Variants in PTPRE observed in about 807,000 individuals in gnomAD.
PTPRE encodes the protein protein tyrosine phosphatase receptor type E, also known as receptor-type tyrosine-protein phosphatase epsilon.
PTPRE carries 51 observed loss-of-function variants against 102.0 expected under a neutral mutation model. That is an observed-to-expected ratio of 0.50 (90% CI 0.40 to 0.63). The LOEUF is 0.63. Ranked by LOEUF, PTPRE falls within the 30% of genes least tolerant of loss-of-function variation. PTPRE has a pLI of 0.00. For missense variants in PTPRE, 752 were observed against 915.1 expected, an observed-to-expected ratio of 0.82 and a Z score of 2.30; for synonymous variants, 345 against 348.2, an observed-to-expected ratio of 0.99 and a Z score of 0.10.
At chr10:128,048,937 C>T (rs1468874075) in intron 5 of PTPRE, among the ~76,000 whole-genome samples, 1 of 152,198 alleles carries the variant, frequency 6.6e-6, no homozygotes, top group African/African-American at 2.4e-5. Flanking sequence ...TCTTGCCTCT[C>T]ACTCCGAACT....
At chr10:127,969,750 C>G (rs1850568126) in intron 1 of PTPRE, among the ~76,000 whole-genome samples, 1 of 151,854 alleles carries the variant, frequency 6.6e-6, no homozygotes, top group South Asian at 2.1e-4. Context: ...GTAAAGGAGA[C>G]GGTCAGACTG....
At chr10:127,977,805 C>T (rs1286715456) in intron 1 of PTPRE, among the ~76,000 whole-genome samples, 1 of 152,224 alleles carries the variant, frequency 6.6e-6, no homozygotes, top group Non-Finnish European at 1.5e-5. Flanking sequence ...CCCTGCCCCC[C>T]TTCCTAAGGG....
At chr10:128,067,362 GTGCACAC>G (rs1590211206) in intron 11 of PTPRE, among the ~76,000 whole-genome samples, 13 of 128,472 alleles carry the variant, frequency 1.0e-4, no homozygotes, top group East Asian at 2.7e-4. Context: ...ACACGCACAC[GTGCACAC>G]ATGCACACAT....
chr10:128,031,177 G>C (rs1846723015), intron 2 of PTPRE, among the ~76,000 whole-genome samples: 2 of 152,254 alleles, frequency 1.3e-5, no homozygotes, highest in South Asian at 4.1e-4. Context: ...TCAACTGGCA[G>C]CTGATGGATT....
chr10:128,048,463 C>T (rs1848275432), intron 5 of PTPRE, among the ~76,000 whole-genome samples: 1 of 152,206 alleles, frequency 6.6e-6, no homozygotes, highest in South Asian at 2.1e-4. Flanking sequence ...TCCTACCTAA[C>T]TGTAGTCAGT....
rs537280972 is a variant in PTPRE at position 127,962,465 on chromosome 10, G to A, written c.-30-19809G>A. Reference sequence around the variant, plus strand: ...TGCTCTGTGCACCCGCAGCTGCTCCGCTGGACACAGACCTCCCCGGGGAAG... The same window carrying A: ...TGCTCTGTGCACCCGCAGCTGCTCCACTGGACACAGACCTCCCCGGGGAAG... On this transcript the variant is annotated intron_variant, in intron 1 of 20. Coordinates refer to ENST00000254667, the MANE Select transcript of PTPRE (RefSeq NM_006504.6). Among the ~76,000 whole-genome samples the A allele has an allele frequency of 3.9e-5, 6 of 152,312 alleles. No individual in the cohort carries two copies. In the East Asian group the frequency reaches 5.8e-4, roughly 15 times the overall value.
intron 1 of PTPRE, among the ~76,000 whole-genome samples, chr10:127,972,639 T>C (rs1850842641): frequency 6.6e-6 from 1 of 152,176 alleles, no homozygotes; most frequent in African/African-American, 2.4e-5. Flanking sequence ...ATGCCGTGGA[T>C]CATCAGCAAG....
intron 2 of PTPRE, among the ~76,000 whole-genome samples, chr10:128,024,438 T>A (rs1392247885): frequency 6.6e-6 from 1 of 152,260 alleles, no homozygotes; most frequent in African/African-American, 2.4e-5. Context: ...TCTCCAGCTA[T>A]CTGTGGGTCT....
At chr10:128,019,099 A>C (rs1252934408) in intron 2 of PTPRE, among the ~76,000 whole-genome samples, 1 of 152,216 alleles carries the variant, frequency 6.6e-6, no homozygotes, top group Non-Finnish European at 1.5e-5. Context: ...GCATTGGGGC[A>C]TCCCCTGGTC....
rs374923805 is a variant in PTPRE at position 128,069,699 on chromosome 10, G to A, written c.1015G>A (p.Val339Met). 40 of 1,614,082 alleles carry A rather than the reference G, an allele frequency of 2.5e-5. No homozygotes were observed. Among genetic ancestry groups the A allele is most frequent in the Non-Finnish European group, 3.1e-5 (37 of 1,180,036 alleles). The part of the protein sequence containing the change: ...GPIVVHCSAG[V>M]GRTGTFIVID... ...CTTTCTCTTTCCCCAAAGCGCGGGC[G>A]TGGGCCGGACGGGCACCTTCATTGT... The change falls in exon 13 of 21, where the codon GTG (valine) becomes ATG (methionine). Residue 339 changes from valine (V) to methionine (M), a missense_variant. Physicochemically the swap from Val to Met is conservative, Grantham distance 21. This residue lies in a region of PTPRE where 636 missense variants were observed against 824.4 expected (regional missense o/e 0.77). Transcript: ENST00000254667.
intron 2 of PTPRE, among the ~76,000 whole-genome samples, chr10:128,018,883 C>T (rs186544366): frequency 6.6e-6 from 1 of 152,078 alleles, no homozygotes; most frequent in African/African-American, 2.4e-5. Flanking sequence ...CACACACACA[C>T]ACACACTCAC....
chr10:128,032,592 G>C (rs1260275976), intron 2 of PTPRE, among the ~76,000 whole-genome samples: 3 of 152,228 alleles, frequency 2.0e-5, no homozygotes, highest in African/African-American at 7.2e-5. Context: ...CCTTGGAGAA[G>C]AGTGGGTTAG....
intron 2 of PTPRE, 54 bp from the exon 3 acceptor site, chr10:128,040,821 G>C: frequency 7.1e-7 from 1 of 1,404,910 alleles, no homozygotes; most frequent in Non-Finnish European, 1.0e-6. Flanking sequence ...TGGCACCGGA[G>C]GGTCCCACAG....
rs12572632 is a variant in PTPRE, at chr10:128,071,154, C to T, written c.1387+253C>T. 9.7e-3 allele frequency: 4,832 copies of T among 500,408 alleles called. 352 individuals are homozygous for T. The East Asian group carries it at 0.14, about 14-fold the overall frequency. The allele number at this position is 500,408 out of a possible 1,614,324, so 31.0% of individuals were successfully genotyped here. A position where few individuals can be genotyped will look rare whatever the true frequency, so the allele number is the denominator to read the frequency against. On this transcript the variant is annotated intron_variant, in intron 15 of 20. Coordinates refer to ENST00000254667, the MANE Select transcript of PTPRE (RefSeq NM_006504.6). The stretch of plus-strand genomic sequence containing the variant: ...TGCTTCGGATATGAGCTTGCAGATG[C>T]GGGAGGGCAGCCGAGGCTGATTTCA...
At chr10:127,950,000 C>T (rs1848902635) in intron 1 of PTPRE, among the ~76,000 whole-genome samples, 1 of 152,040 alleles carries the variant, frequency 6.6e-6, no homozygotes, top group Admixed American at 6.6e-5. Flanking sequence ...AGTTGCCAGG[C>T]AAGACAGTGC....
chr10:127,950,744 A>G (rs773718946), intron 1 of PTPRE, among the ~76,000 whole-genome samples: 11 of 152,192 alleles, frequency 7.2e-5, no homozygotes, highest in Non-Finnish European at 1.5e-4. Flanking sequence ...CAAAGCAACA[A>G]TCAAAATGGT....
At chr10:128,045,895 C>G (rs1387615482) in intron 3 of PTPRE, among the ~76,000 whole-genome samples, 2 of 152,162 alleles carry the variant, frequency 1.3e-5, no homozygotes, top group African/African-American at 4.8e-5. Flanking sequence ...CTGCAGAGGA[C>G]AGCCAGGCTG....
chr10:127,916,241 G>A (rs935344895), intron 1 of PTPRE, among the ~76,000 whole-genome samples: 2 of 152,190 alleles, frequency 1.3e-5, no homozygotes, highest in East Asian at 1.9e-4. Context: ...GACCTTGTAG[G>A]AGGTGATTAG....
At position 128,047,017 on chromosome 10, in the gene PTPRE, G is replaced by A. The variant is rs532022538; in HGVS notation, c.110-373G>A. The stretch of plus-strand genomic sequence containing the variant: ...GGGGCCCTAAGAGCTGAGCTACGCC[G>A]AGTCAGCCTCCCGCGCTGTCCTAGG... On this transcript the variant is annotated intron_variant, in intron 3 of 20. Transcript: ENST00000254667. Among the ~76,000 whole-genome samples, 14 of 152,308 alleles carry A rather than the reference G, an allele frequency of 9.2e-5. No homozygotes were observed. The East Asian group carries it at 1.9e-3, about 21-fold the overall frequency.
Sources: gnomAD v4.1 joint callset for allele counts (sites outside exome capture counted in the v4.1 genomes callset) on GRCh38, gnomAD v4.1.1 for gene constraint, gnomAD v4.1.1 regional missense constraint, MANE v1.5 for transcripts, NCBI Gene and HGNC (gene_info 2026-07-23, HGNC 2026-07-21) for gene names.